The following KIR2DL3 variants were observed in gnomAD, a reference collection of about 807,000 sequenced individuals.
The protein encoded by KIR2DL3 is killer cell immunoglobulin like receptor, two Ig domains and long cytoplasmic tail 3, also known as killer cell immunoglobulin-like receptor 2DL3.
In KIR2DL3, 39 loss-of-function variants were observed where a neutral mutation model predicts 33.8. The observed-to-expected ratio is 1.15, with a 90% CI of 0.89 to 1.51. KIR2DL3 has a LOEUF of 1.51. Among genes scored for constraint, KIR2DL3 ranks in the 40% most tolerant of loss-of-function variants. The pLI is 0.00. For missense variants in KIR2DL3, 462 were observed against 426.2 expected, an observed-to-expected ratio of 1.08 and a Z score of -0.74; for synonymous variants, 174 against 160.2, an observed-to-expected ratio of 1.09 and a Z score of -0.65.
In KIR2DL3 at chr19:54,749,947, T is replaced by G. The variant is rs1487857433; in HGVS notation, c.716-1702T>G. Among the ~76,000 whole-genome samples the G allele has an allele frequency of 1.2e-4, 14 of 115,528 alleles. 3 individuals are homozygous for G. The highest frequency in any genetic ancestry group is 2.4e-4 in the Non-Finnish European group (13 of 54,744). 75.8% of individuals were successfully genotyped at this position (115,528 alleles called of 152,430 possible). A position where few individuals can be genotyped will look rare whatever the true frequency, so the allele number is the denominator to read the frequency against. ...ATAAATATAATAAAACACACACGAA[T>G]GACAAAGGCACCTGAATTCCAATCA... On this transcript the variant is annotated intron_variant, in intron 5 of 7. Transcript: ENST00000342376.
chr19:54,742,369 G>C, intron 3 of KIR2DL3, 90 bp downstream of exon 3: 6 of 1,539,356 alleles, frequency 3.9e-6, no homozygotes, highest in Non-Finnish European at 4.5e-6. Flanking sequence ...AGGAAGATGA[G>C]CTTGGTATTC....
intron 2 of KIR2DL3, among the ~76,000 whole-genome samples, chr19:54,739,876 A>T (rs911432533): frequency 6.6e-6 from 1 of 151,752 alleles, no homozygotes; most frequent in Non-Finnish European, 1.5e-5. Flanking sequence ...TCATTCTACC[A>T]GAAGAGGTGG....
intron 3 of KIR2DL3, among the ~76,000 whole-genome samples, chr19:54,742,926 A>G (rs1555900144): frequency 0.2 from 25,310 of 128,130 alleles, 61 homozygotes; most frequent in Middle Eastern, 0.24. Flanking sequence ...ATAAACACAC[A>G]GAGAATGAGC....
In KIR2DL3 at chr19:54,739,530, T is replaced by A. The variant is rs376053624; in HGVS notation, c.58T>A (p.Trp20Arg). The A allele has an allele frequency of 1.2e-6, 2 of 1,608,448 alleles. No homozygotes were observed. Among genetic ancestry groups the A allele is most frequent in the East Asian group, 4.5e-5 (2 of 44,888 alleles). Residue 20 changes from tryptophan (W) to arginine (R), a missense_variant, in exon 2 of 8, where the codon TGG becomes AGG. Trp to Arg is a moderately radical substitution (Grantham distance 101). Coordinates refer to ENST00000342376, the MANE Select transcript of KIR2DL3 (RefSeq NM_015868.3). ...CVGFFLLQGA[W>R]PHEGVHRKPS... The stretch of plus-strand genomic sequence containing the variant: ...AGGGTTCTTCTTGCTGCAGGGGGCC[T>A]GGCCACATGAGGGTGAGTCCTTCTC...
At chr19:54,746,901 G>A (rs1277444637) in intron 4 of KIR2DL3, among the ~76,000 whole-genome samples, 2 of 147,486 alleles carry the variant, frequency 1.4e-5, no homozygotes, top group East Asian at 3.9e-4. Flanking sequence ...AGAATTGATT[G>A]AACCCAGGAG....
intron 4 of KIR2DL3, among the ~76,000 whole-genome samples, chr19:54,744,919 A>ATATATATATAT (rs1568969043): frequency 2.2e-4 from 9 of 41,018 alleles, no homozygotes; most frequent in Non-Finnish European, 4.8e-4. Context: ...CACATATATA[A>ATATATATATAT]ACATATATAT....
intron 4 of KIR2DL3, among the ~76,000 whole-genome samples, chr19:54,745,047 T>A (rs1359382603): frequency 1.1e-3 from 166 of 148,746 alleles, no homozygotes; most frequent in African/African-American, 4.0e-3. Context: ...AGATCCACCT[T>A]TTAGCTCTGT....
rs753180417 is a variant in KIR2DL3, at chr19:54,744,069, A to C, written c.645A>C (p.Pro215=). The C allele has an allele frequency of 5.6e-5, 90 of 1,614,116 alleles. No individual in the cohort carries two copies. The highest frequency in any genetic ancestry group is 7.3e-5 in the Non-Finnish European group (86 of 1,180,054). ...SPYEWSNSSD[P]LLVSVTGNPS... Reference sequence around the variant, plus strand: ...ACGAGTGGTCAAACTCGAGTGACCCACTGCTTGTTTCTGTCACAGGTGAGG... The same window carrying C: ...ACGAGTGGTCAAACTCGAGTGACCCCCTGCTTGTTTCTGTCACAGGTGAGG... The change falls in exon 4 of 8, where the codon CCA becomes CCC. Residue 215 remains proline (P), a synonymous_variant. Transcript: ENST00000342376.
intron 5 of KIR2DL3, among the ~76,000 whole-genome samples, chr19:54,748,654 C>A (rs1215457115): frequency 1.4e-5 from 2 of 145,800 alleles, no homozygotes; most frequent in Non-Finnish European, 3.0e-5. Context: ...CAGAGTCGCC[C>A]TCTGTCTTCC....
At chr19:54,741,468 C>A (rs2071089608) in intron 2 of KIR2DL3, among the ~76,000 whole-genome samples, 1 of 152,174 alleles carries the variant, frequency 6.6e-6, no homozygotes, top group South Asian at 2.1e-4. Flanking sequence ...CTCCTCCAAC[C>A]AGCACCAGGA....
At chr19:54,744,608 C>T (rs370449897) in intron 4 of KIR2DL3, among the ~76,000 whole-genome samples, 20,662 of 124,234 alleles carry the variant, frequency 0.17, 1 homozygote, top group Middle Eastern at 0.25. Flanking sequence ...CTCACTGCAA[C>T]TTCCGCCTCC....
At position 54,744,086 on chromosome 19, in the gene KIR2DL3, C is replaced by T. The variant is rs150145497; in HGVS notation, c.662C>T (p.Thr221Ile). ...AGTGACCCACTGCTTGTTTCTGTCA[C>T]AGGTGAGGAAACCCCATATCTGTCT... Reference protein sequence around the residue: ...NSSDPLLVSVTGNPSNSWPSP... With the variant: ...NSSDPLLVSVIGNPSNSWPSP... Residue 221 changes from threonine (T) to isoleucine (I), a missense_variant and splice_region_variant, in exon 4 of 8, where the codon ACA (threonine) becomes ATA (isoleucine). Transcript: ENST00000342376. 230,916 of 1,594,386 alleles carry T rather than the reference C, an allele frequency of 0.14. 2 individuals are homozygous for T. Among genetic ancestry groups the T allele is most frequent in the South Asian group, 0.25 (22,692 of 90,144 alleles).
intron 1 of KIR2DL3, among the ~76,000 whole-genome samples, chr19:54,739,146 G>T (rs113694314): frequency 4.1e-3 from 615 of 151,392 alleles, no homozygotes; most frequent in African/African-American, 0.014. Flanking sequence ...GACTGGAGAG[G>T]TGATATGGGC....
chr19:54,739,201 C>G (rs1168266200), intron 1 of KIR2DL3, among the ~76,000 whole-genome samples: 1 of 130,878 alleles, frequency 7.6e-6, no homozygotes, highest in Admixed American at 7.6e-5. Context: ...GGGCCTGGGG[C>G]GGAGATATGG....
At chr19:54,741,271 C>A (rs2071039070) in intron 2 of KIR2DL3, among the ~76,000 whole-genome samples, 1 of 151,262 alleles carries the variant, frequency 6.6e-6, no homozygotes, top group Non-Finnish European at 1.5e-5. Context: ...ACCCAGGAGA[C>A]AGAGGTTGCA....
chr19:54,745,610 C>A (rs1406837986), intron 4 of KIR2DL3, among the ~76,000 whole-genome samples: 22 of 150,242 alleles, frequency 1.5e-4, no homozygotes, highest in Non-Finnish European at 5.9e-5. Context: ...CTGAGGTGCC[C>A]GCCTCGGTCT....
rs1264962752 is a variant in KIR2DL3, at chr19:54,749,971, C to A, written c.716-1678C>A. Among the ~76,000 whole-genome samples, 11 of 123,842 alleles carry A rather than the reference C, an allele frequency of 8.9e-5. 3 individuals carry two copies. Among genetic ancestry groups the A allele is most frequent in the Non-Finnish European group, 1.9e-4 (11 of 58,020 alleles). The allele number at this position is 123,842 out of a possible 152,430, so 81.2% of individuals were successfully genotyped here. ...ATGACAAAGGCACCTGAATTCCAATCATCGTTTTTCTATTTCTCTATAATT... is the reference window on the plus strand; with the variant it reads ...ATGACAAAGGCACCTGAATTCCAATAATCGTTTTTCTATTTCTCTATAATT... On this transcript the variant is annotated intron_variant, in intron 5 of 7. Transcript: ENST00000342376.
At chr19:54,750,395 G>C (rs1041002357) in intron 5 of KIR2DL3, among the ~76,000 whole-genome samples, 1 of 142,548 alleles carries the variant, frequency 7.0e-6, no homozygotes, top group Non-Finnish European at 1.5e-5. Flanking sequence ...CTCTCGGGTA[G>C]AACAGCAGCC....
In KIR2DL3 at chr19:54,739,424, C is replaced by T. The variant is rs1216203583; in HGVS notation, c.35-83C>T. On this transcript the variant is annotated intron_variant, in intron 1 of 7. Coordinates refer to ENST00000342376, the MANE Select transcript of KIR2DL3 (RefSeq NM_015868.3). The stretch of plus-strand genomic sequence containing the variant: ...CTTCAGCCCAGGAAGGGCCTGGCTG[C>T]CAAGACTCACAGCCCAGTGGGGGCA... 7 of 1,607,624 alleles carry T rather than the reference C, an allele frequency of 4.4e-6. No individual in the cohort carries two copies. In the African/African-American group the frequency reaches 8.0e-5, roughly 18 times the overall value.
Sources: allele counts gnomAD v4.1 joint callset (sites outside exome capture counted in the v4.1 genomes callset), GRCh38; gene constraint gnomAD v4.1.1; transcripts MANE v1.5; gene names NCBI Gene and HGNC (gene_info 2026-07-23, HGNC 2026-07-21).